PDE4D: variants seen among roughly 807,000 people sequenced by gnomAD.
PDE4D encodes the protein 3',5'-cyclic-AMP phosphodiesterase 4D.
A neutral mutation model predicts 87.4 loss-of-function variants in PDE4D; 24 were observed. The ratio of observed to expected loss-of-function variants is 0.27; its 90% confidence interval spans 0.20 to 0.39. PDE4D has a LOEUF of 0.39. Among genes scored for constraint, PDE4D ranks in the 10% least tolerant of loss-of-function variants. The pLI is 1.00. For synonymous variants in PDE4D, 384 were observed against 383.2 expected (o/e 1.00, Z -0.02); for missense variants, 714 against 1,041.0 (o/e 0.69, Z 4.32).
intron 2 of PDE4D, among the ~76,000 whole-genome samples, chr5:60,088,537 C>T (rs1388017554): frequency 6.6e-6 from 1 of 151,764 alleles, no homozygotes; most frequent in Non-Finnish European, 1.5e-5. Flanking sequence ...GGTGGTATTA[C>T]AATGTAGAGT....
intron 1 of PDE4D, among the ~76,000 whole-genome samples, chr5:60,202,580 A>G (rs183896187): frequency 6.6e-6 from 1 of 152,182 alleles, no homozygotes; most frequent in African/African-American, 2.4e-5. Flanking sequence ...GAGGTACAAC[A>G]TGGAGAACTC....
chr5:59,529,404 A>G (rs1191502963), intron 1 of PDE4D, among the ~76,000 whole-genome samples: 2 of 152,156 alleles, frequency 1.3e-5, no homozygotes, highest in Non-Finnish European at 2.9e-5. Context: ...AGTTTCACGG[A>G]GGCCAAAGTT....
intron 1 of PDE4D, among the ~76,000 whole-genome samples, chr5:59,498,414 C>T (rs1050471531): frequency 7.3e-5 from 11 of 150,988 alleles, no homozygotes; most frequent in African/African-American, 2.7e-4. Flanking sequence ...TAACTTTGGC[C>T]ATGCAAAGTT....
At chr5:59,128,190 C>T (rs2153449680) in intron 5 of PDE4D, among the ~76,000 whole-genome samples, 1 of 152,168 alleles carries the variant, frequency 6.6e-6, no homozygotes, top group Admixed American at 6.5e-5. Context: ...GCTCCTAGCT[C>T]ACTCTCTGGA....
At chr5:59,002,729 A>G (rs1001683824) in intron 6 of PDE4D, among the ~76,000 whole-genome samples, 1 of 152,220 alleles carries the variant, frequency 6.6e-6, no homozygotes, top group Non-Finnish European at 1.5e-5. Flanking sequence ...CAACCATATG[A>G]GGAATGCCAA....
intron 2 of PDE4D, among the ~76,000 whole-genome samples, chr5:60,088,964 G>A (rs1018498094): frequency 1.3e-5 from 2 of 151,958 alleles, no homozygotes; most frequent in African/African-American, 4.8e-5. Flanking sequence ...TGAATGTGAA[G>A]ATATTTAAAA....
At chr5:59,407,741 G>A (rs1562127902) in intron 1 of PDE4D, among the ~76,000 whole-genome samples, 1 of 152,176 alleles carries the variant, frequency 6.6e-6, no homozygotes, top group Admixed American at 6.5e-5. Context: ...CAAAGAACTT[G>A]GCTACATTAT....
chr5:59,810,732 C>T lies in PDE4D; in HGVS notation c.455+82436G>A, dbSNP rs535890861. 3.3e-5 allele frequency among the ~76,000 whole-genome samples: 5 copies of T among 152,308 alleles called. No homozygotes were observed. In the East Asian group the frequency reaches 7.7e-4, roughly 24 times the overall value. ...TATTTTGCTAGCTCCCTCGTTCCTA[C>T]GTATTCCCATTTTTCCGGCTTATTT... On this transcript the variant is annotated intron_variant, in intron 1 of 14. Coordinates refer to ENST00000340635, the MANE Select transcript of PDE4D (RefSeq NM_001104631.2).
At chr5:59,354,559 T>C (rs1000073423) in intron 1 of PDE4D, among the ~76,000 whole-genome samples, 3 of 152,206 alleles carry the variant, frequency 2.0e-5, no homozygotes, top group African/African-American at 7.2e-5. Flanking sequence ...TATTATGGTA[T>C]GATAAAAATT....
chr5:59,684,689 A>G (rs912462838), intron 1 of PDE4D, among the ~76,000 whole-genome samples: 3 of 152,218 alleles, frequency 2.0e-5, no homozygotes, highest in Non-Finnish European at 4.4e-5. Flanking sequence ...AAGGGCCCCA[A>G]CTGATGCCTC....
At chr5:59,837,690 C>T (rs1742346024) in intron 1 of PDE4D, among the ~76,000 whole-genome samples, 1 of 152,000 alleles carries the variant, frequency 6.6e-6, no homozygotes, top group African/African-American at 2.4e-5. Flanking sequence ...TAAATGTCTA[C>T]AAAACTACAT....
At chr5:60,279,922 C>T (rs1353100084) in intron 1 of PDE4D, among the ~76,000 whole-genome samples, 3 of 151,888 alleles carry the variant, frequency 2.0e-5, no homozygotes, top group East Asian at 1.9e-4. Context: ...CCTGATGATC[C>T]GCCCGCCTCG....
chr5:60,159,314 T>C (rs1353456456), intron 2 of PDE4D, among the ~76,000 whole-genome samples: 2 of 150,452 alleles, frequency 1.3e-5, no homozygotes, highest in Non-Finnish European at 3.0e-5. Context: ...ATGGTTAACT[T>C]TTTTTTTTGT....
chr5:60,169,731 T>C (rs1302410873), intron 2 of PDE4D, among the ~76,000 whole-genome samples: 1 of 152,094 alleles, frequency 6.6e-6, no homozygotes, highest in Non-Finnish European at 1.5e-5. Flanking sequence ...CATGCAAGCA[T>C]TCCAAGTCTA....
rs771179836 is a variant in PDE4D at position 58,974,694 on chromosome 5, A to G, written c.2400T>C (p.Cys800=). 3.9e-5 allele frequency: 63 copies of G among 1,604,160 alleles called. No homozygotes were observed. Among genetic ancestry groups the G allele is most frequent in the Non-Finnish European group, 5.3e-5 (62 of 1,174,608 alleles). ...GEEEESQPEA[C]VIDDRSPDT is the part of the protein sequence containing the mutation. ...TGTCAGGAGAACGATCATCTATGACACAGGCTTCAGGCTGGCTTTCCTCTT... is the reference window on the plus strand; with the variant it reads ...TGTCAGGAGAACGATCATCTATGACGCAGGCTTCAGGCTGGCTTTCCTCTT... The change falls in exon 15 of 15, where the codon TGT becomes TGC. Residue 800 remains cysteine, a synonymous_variant. Transcript: ENST00000340635.
intron 1 of PDE4D, among the ~76,000 whole-genome samples, chr5:59,754,228 G>T (rs534568705): frequency 4.3e-4 from 65 of 152,314 alleles, no homozygotes; most frequent in African/African-American, 1.5e-3. Flanking sequence ...TACTCAGGAG[G>T]CTGAGGCAGG....
intron 1 of PDE4D, among the ~76,000 whole-genome samples, chr5:59,871,861 T>TA (rs1006288662): frequency 1.3e-5 from 2 of 152,196 alleles, no homozygotes; most frequent in Admixed American, 6.5e-5. Context: ...ACTGACTACT[T>TA]ACTGCCCCTC....
intron 1 of PDE4D, among the ~76,000 whole-genome samples, chr5:60,422,078 T>C (rs1743163047): frequency 6.6e-6 from 1 of 152,222 alleles, no homozygotes; most frequent in Non-Finnish European, 1.5e-5. Flanking sequence ...TTGATGTACC[T>C]GAAAGTGACG....
intron 6 of PDE4D, among the ~76,000 whole-genome samples, chr5:59,038,507 A>C (rs1401581694): frequency 1.3e-5 from 2 of 152,194 alleles, no homozygotes; most frequent in Non-Finnish European, 2.9e-5. Context: ...GATTTCACAG[A>C]CATCCACCAA....
Sources: gnomAD v4.1 joint callset for allele counts (sites outside exome capture counted in the v4.1 genomes callset) on GRCh38, gnomAD v4.1.1 for gene constraint, MANE v1.5 for transcripts, NCBI Gene and HGNC (gene_info 2026-07-23, HGNC 2026-07-21) for gene names.